Variants in XYLT1 observed in about 807,000 individuals in gnomAD.
XYLT1 encodes xylosyltransferase 1, also known as beta-D-xylosyltransferase 1.
In XYLT1, 36 loss-of-function variants were observed where a neutral mutation model predicts 91.3. The ratio of observed to expected loss-of-function variants is 0.39; its 90% CI spans 0.30 to 0.52. The LOEUF (loss-of-function observed/expected upper bound fraction) is 0.52. XYLT1 is among the 20% of genes least tolerant of loss of function. The pLI is 0.68. For missense variants in XYLT1, 1,242 were observed against 1,284.5 expected (o/e 0.97, Z 0.51); for synonymous variants, 588 against 532.0 (o/e 1.11, Z -1.45).
chr16:17,117,312 A>T (rs8058468), intron 11 of XYLT1, among the ~76,000 whole-genome samples: 79,280 of 151,898 alleles, frequency 0.52, 24,367 homozygotes, highest in Non-Finnish European at 0.68. Flanking sequence ...TGATTTTTTT[A>T]AAATAGTAAA....
intron 2 of XYLT1, among the ~76,000 whole-genome samples, chr16:17,349,197 T>C (rs552532240): frequency 6.6e-6 from 1 of 152,370 alleles, no homozygotes; most frequent in East Asian, 1.9e-4. Context: ...TATGGACAGA[T>C]GTTTCCAAGC....
intron 1 of XYLT1, among the ~76,000 whole-genome samples, chr16:17,466,603 A>AC (rs999999503): frequency 5.3e-5 from 8 of 152,188 alleles, no homozygotes; most frequent in African/African-American, 1.9e-4. Context: ...GCCTTTGACC[A>AC]CCCACCCTTC....
chr16:17,141,633 GA>G (rs2030978498), intron 6 of XYLT1, among the ~76,000 whole-genome samples: 1 of 152,106 alleles, frequency 6.6e-6, no homozygotes, highest in Non-Finnish European at 1.5e-5. Context: ...GAGCCCAGGG[GA>G]CTTACCCAGC....
At chr16:17,337,708 T>C (rs375758832) in intron 2 of XYLT1, among the ~76,000 whole-genome samples, 7 of 152,044 alleles carry the variant, frequency 4.6e-5, no homozygotes, top group Non-Finnish European at 1.0e-4. Flanking sequence ...CTCTCCAAAC[T>C]TGCCCTATTC....
At chr16:17,244,703 A>G (rs958685955) in intron 3 of XYLT1, among the ~76,000 whole-genome samples, 2 of 152,218 alleles carry the variant, frequency 1.3e-5, no homozygotes. Flanking sequence ...AGTTATGTAC[A>G]TCTTTGAGAG....
chr16:17,311,280 T>G (rs993078333), intron 2 of XYLT1, among the ~76,000 whole-genome samples: 3 of 152,150 alleles, frequency 2.0e-5, no homozygotes, highest in Admixed American at 2.0e-4. Context: ...CCACCTCAGA[T>G]GGGCTGAATT....
chr16:17,137,518 G>A (rs1220962071), intron 8 of XYLT1: 1 of 152,414 alleles, frequency 6.6e-6, no homozygotes, highest in Non-Finnish European at 1.5e-5. Context: ...GCTGCTAGGT[G>A]TGGGGAGGGC....
intron 1 of XYLT1, among the ~76,000 whole-genome samples, chr16:17,438,070 C>T (rs1387878714): frequency 1.3e-5 from 2 of 152,046 alleles, no homozygotes; most frequent in Non-Finnish European, 2.9e-5. Flanking sequence ...AAAACCTTTC[C>T]CACTGGGTAG....
At chr16:17,192,539 C>T (rs1323190761) in intron 5 of XYLT1, among the ~76,000 whole-genome samples, 2 of 152,198 alleles carry the variant, frequency 1.3e-5, no homozygotes, top group African/African-American at 4.8e-5. Context: ...AACCATCATA[C>T]CTTTCGAGGA....
intron 3 of XYLT1, among the ~76,000 whole-genome samples, chr16:17,203,909 A>G (rs2032589980): frequency 6.6e-6 from 1 of 152,248 alleles, no homozygotes; most frequent in Admixed American, 6.5e-5. Flanking sequence ...GAATGAGCAA[A>G]TTAATGAATG....
At chr16:17,286,192 G>A (rs2034138513) in intron 2 of XYLT1, among the ~76,000 whole-genome samples, 1 of 152,120 alleles carries the variant, frequency 6.6e-6, no homozygotes, top group South Asian at 2.1e-4. Flanking sequence ...TGGTAGGACT[G>A]GAATTTGAAC....
chr16:17,213,533 A>G (rs2032800283), intron 3 of XYLT1, among the ~76,000 whole-genome samples: 1 of 152,178 alleles, frequency 6.6e-6, no homozygotes, highest in African/African-American at 2.4e-5. Context: ...TATGCTGCAG[A>G]ACTGGGATTC....
At chr16:17,357,942 C>G in intron 2 of XYLT1, 70 bp downstream of exon 2, 1 of 1,559,342 alleles carries the variant, frequency 6.4e-7, no homozygotes, top group South Asian at 1.2e-5. Flanking sequence ...TTCAGAGCCA[C>G]GGGACAAGTC....
intron 9 of XYLT1, among the ~76,000 whole-genome samples, chr16:17,130,808 CA>C (rs1259370622): frequency 6.6e-6 from 1 of 152,186 alleles, no homozygotes; most frequent in Non-Finnish European, 1.5e-5. Context: ...TTAAATGCCA[CA>C]AGCACTTTGC....
chr16:17,339,966 A>G (rs1290745501), intron 2 of XYLT1, among the ~76,000 whole-genome samples: 2 of 151,450 alleles, frequency 1.3e-5, no homozygotes, highest in African/African-American at 4.9e-5. Flanking sequence ...ACATCCATCC[A>G]TGATGCATCC....
chr16:17,467,029 G>T lies in XYLT1; in HGVS notation c.363+3405C>A, dbSNP rs377484029. On this transcript the variant is annotated intron_variant, in intron 1 of 11. Transcript: ENST00000261381. The stretch of plus-strand genomic sequence containing the variant: ...AGTGAACCGATCTTTCAAAGTCACT[G>T]CTGATGTCTAAAAGAGTCCTGAGTT... Among the ~76,000 whole-genome samples, 6 of 152,296 alleles carry T rather than the reference G, an allele frequency of 3.9e-5. No homozygotes were observed. In the South Asian group the frequency reaches 1.2e-3, roughly 32 times the overall value.
intron 1 of XYLT1, among the ~76,000 whole-genome samples, chr16:17,467,062 T>C (rs1449719071): frequency 6.6e-6 from 1 of 152,168 alleles, no homozygotes; most frequent in African/African-American, 2.4e-5. Flanking sequence ...GTTATCTGAG[T>C]AATGTGAAGC....
At chr16:17,175,537 C>T (rs1364860908) in intron 5 of XYLT1, among the ~76,000 whole-genome samples, 1 of 152,146 alleles carries the variant, frequency 6.6e-6, no homozygotes, top group African/African-American at 2.4e-5. Context: ...CATTTGACCT[C>T]AGAGTCCATA....
At chr16:17,298,920 G>A (rs985740584) in intron 2 of XYLT1, among the ~76,000 whole-genome samples, 4 of 151,896 alleles carry the variant, frequency 2.6e-5, no homozygotes, top group African/African-American at 9.7e-5. Flanking sequence ...TTGCTCCTCA[G>A]GCCACGTATC....
Sources: allele counts gnomAD v4.1 joint callset (sites outside exome capture counted in the v4.1 genomes callset), GRCh38; gene constraint gnomAD v4.1.1; transcripts MANE v1.5; gene names NCBI Gene and HGNC (gene_info 2026-07-23, HGNC 2026-07-21).